DACH1: variants seen among roughly 807,000 people sequenced by gnomAD.
DACH1 encodes dachshund family transcription factor 1, also known as dachshund homolog 1.
Under a neutral mutation model 54.2 loss-of-function variants are expected in DACH1, and 12 were observed. The observed-to-expected ratio is 0.22, with a 90% CI of 0.14 to 0.36. The LOEUF is 0.36. Among genes scored for constraint, DACH1 ranks in the 10% least tolerant of loss-of-function variants. The pLI, the probability that DACH1 is intolerant of heterozygous loss-of-function variation, is 1.00. For missense variants in DACH1, 805 were observed against 929.8 expected (o/e 0.87, Z 1.75); for synonymous variants, 386 against 366.2 (o/e 1.05, Z -0.62).
chr13:71,496,310 C>CAT lies in DACH1; in HGVS notation c.1571-7163_1571-7162insAT, dbSNP rs1879429935. Among the ~76,000 whole-genome samples the CAT allele has an allele frequency of 1.8e-5, 2 of 113,832 alleles. 1 individual carries two copies. The highest frequency in any genetic ancestry group is 3.6e-5 in the Non-Finnish European group (2 of 55,528). The allele number at this position is 113,832 out of a possible 152,430, so 74.7% of individuals were successfully genotyped here. ...ATATATATATATATATATATATACA[C>CAT]ACACAAAAAGATATGCAACATATAT... is the stretch of plus-strand genomic sequence containing the variant. On this transcript the variant is annotated intron_variant, in intron 6 of 10. Transcript: ENST00000613252.
chr13:71,491,569 A>G (rs1045656261), intron 6 of DACH1, among the ~76,000 whole-genome samples: 1 of 152,184 alleles, frequency 6.6e-6, no homozygotes, highest in African/African-American at 2.4e-5. Context: ...CTTTAATTCA[A>G]TATGTACATA....
intron 1 of DACH1, among the ~76,000 whole-genome samples, chr13:71,759,811 A>C (rs1268548328): frequency 6.6e-6 from 1 of 152,168 alleles, no homozygotes; most frequent in Non-Finnish European, 1.5e-5. Flanking sequence ...GGGAGAAAAA[A>C]AAAATCTGAA....
At chr13:71,771,585 T>G (rs1472267690) in intron 1 of DACH1, among the ~76,000 whole-genome samples, 2 of 151,522 alleles carry the variant, frequency 1.3e-5, no homozygotes, top group African/African-American at 2.4e-5. Context: ...AACAACATTT[T>G]TCTTGTTACA....
intron 1 of DACH1, among the ~76,000 whole-genome samples, chr13:71,851,841 C>A (rs185497257): frequency 1.2e-3 from 182 of 152,252 alleles, no homozygotes; most frequent in African/African-American, 4.2e-3. Flanking sequence ...GGGACTACTT[C>A]GGATGAATTT....
At chr13:71,746,159 G>A (rs920005095) in intron 1 of DACH1, among the ~76,000 whole-genome samples, 3 of 152,056 alleles carry the variant, frequency 2.0e-5, no homozygotes, top group South Asian at 4.1e-4. Context: ...CAGAGGTTGC[G>A]CTGAGCCGAG....
At chr13:71,756,290 G>T (rs554599420) in intron 1 of DACH1, among the ~76,000 whole-genome samples, 4 of 151,558 alleles carry the variant, frequency 2.6e-5, no homozygotes, top group African/African-American at 9.7e-5. Context: ...TGATCTGCCC[G>T]CCTTGGCCTC....
Position 71,866,466 on chromosome 13 carries a change from T to TGCCACCGCC in DACH1, c.295_303dup (p.Gly99_Gly101dup). On this transcript the variant is annotated inframe_insertion, in exon 1 of 11. Coordinates refer to ENST00000613252, the MANE Select transcript of DACH1 (RefSeq NM_080759.6). The stretch of plus-strand genomic sequence containing the variant: ...GCCGCCAGGTTGGGGTTGCAGTTGC[T>TGCCACCGCC]GCCACCGCCGCCGCCGCCACCGCCG... 1 of 1,282,426 alleles carries TGCCACCGCC rather than the reference T, an allele frequency of 7.8e-7. No individual in the cohort carries two copies. The highest frequency in any genetic ancestry group is 9.9e-7 in the Non-Finnish European group (1 of 1,014,626). The allele number at this position is 1,282,426 out of a possible 1,614,324, so 79.4% of individuals were successfully genotyped here.
chr13:71,603,959 A>T (rs1874697062), intron 3 of DACH1, among the ~76,000 whole-genome samples: 1 of 151,852 alleles, frequency 6.6e-6, no homozygotes, highest in South Asian at 2.1e-4. Context: ...AGTTTTCATC[A>T]ATGCTGAATA....
At chr13:71,815,608 T>C (rs998552955) in intron 1 of DACH1, among the ~76,000 whole-genome samples, 21 of 152,202 alleles carry the variant, frequency 1.4e-4, no homozygotes, top group Non-Finnish European at 2.2e-4. Context: ...AACACTGATT[T>C]GAGTGATTTT....
intron 1 of DACH1, among the ~76,000 whole-genome samples, chr13:71,792,647 G>A (rs1886879402): frequency 6.6e-6 from 1 of 152,130 alleles, no homozygotes; most frequent in African/African-American, 2.4e-5. Flanking sequence ...CGTGGTCACT[G>A]TATGTTCAAT....
At chr13:71,683,626 C>A (rs17207547) in intron 1 of DACH1, among the ~76,000 whole-genome samples, 1 of 152,038 alleles carries the variant, frequency 6.6e-6, no homozygotes, top group Non-Finnish European at 1.5e-5. Flanking sequence ...GGGATATTGT[C>A]GTGCTTATTG....
chr13:71,554,027 T>C (rs1050879621), intron 6 of DACH1, among the ~76,000 whole-genome samples: 1 of 152,026 alleles, frequency 6.6e-6, no homozygotes, highest in Admixed American at 6.6e-5. Context: ...GTAACGAACA[T>C]ACAATTAATT....
rs760000933 is a variant in DACH1 at position 71,557,152 on chromosome 13, T to G, written c.1442A>C (p.His481Pro). Residue 481 changes from histidine (H) to proline (P), a missense_variant, in exon 6 of 11, where the codon CAT becomes CCT. Transcript: ENST00000613252. ...CTGGTTCATGGACAACCCATTCTGA[T>G]GGACCGCTATTATGGCCCAAAAGAA... Reference protein sequence around the residue: ...TESSSDRIPVHQNGLSMNQML... With the variant: ...TESSSDRIPVPQNGLSMNQML... 3.1e-6 allele frequency: 5 copies of G among 1,605,504 alleles called. No homozygotes were observed. The South Asian group carries it at 5.6e-5, about 18-fold the overall frequency.
intron 3 of DACH1, among the ~76,000 whole-genome samples, chr13:71,574,528 T>C (rs1710447157): frequency 6.6e-6 from 1 of 152,072 alleles, no homozygotes; most frequent in Non-Finnish European, 1.5e-5. Context: ...TACGACATAG[T>C]TTTTAATGAA....
intron 10 of DACH1, among the ~76,000 whole-genome samples, chr13:71,472,302 C>T (rs1373156364): frequency 6.6e-6 from 1 of 152,116 alleles, no homozygotes; most frequent in Non-Finnish European, 1.5e-5. Flanking sequence ...TTCAGAAATA[C>T]TTTCTAAACT....
At chr13:71,738,494 G>A (rs539068492) in intron 1 of DACH1, among the ~76,000 whole-genome samples, 2 of 152,140 alleles carry the variant, frequency 1.3e-5, no homozygotes, top group South Asian at 2.1e-4. Context: ...CACCTTGGGA[G>A]GCCGAGGTGG....
intron 3 of DACH1, among the ~76,000 whole-genome samples, chr13:71,602,473 TTTCTCTAATCTGC>T (rs1432454155): frequency 6.6e-6 from 1 of 152,004 alleles, no homozygotes; most frequent in African/African-American, 2.4e-5. Context: ...TTGCCTTCTG[TTTCTCTAATCTGC>T]AATTATTTAT....
intron 1 of DACH1, among the ~76,000 whole-genome samples, chr13:71,767,279 A>G (rs1885677818): frequency 6.6e-6 from 1 of 152,020 alleles, no homozygotes; most frequent in South Asian, 2.1e-4. Context: ...GTTTTATTAA[A>G]ACTGTTATAA....
At chr13:71,730,770 GTTA>G in intron 1 of DACH1, among the ~76,000 whole-genome samples, 1 of 151,904 alleles carries the variant, frequency 6.6e-6, no homozygotes, top group East Asian at 1.9e-4. Context: ...ATTAAGATTT[GTTA>G]TTGTCTTATC....
Sources: gnomAD v4.1 joint callset for allele counts (sites outside exome capture counted in the v4.1 genomes callset) on GRCh38, gnomAD v4.1.1 for gene constraint, MANE v1.5 for transcripts, NCBI Gene and HGNC (gene_info 2026-07-23, HGNC 2026-07-21) for gene names.